EPG5: variants seen among roughly 807,000 people sequenced by gnomAD.
EPG5 encodes the protein ectopic P-granules 5 autophagy tethering factor, also known as ectopic P granules protein 5 homolog.
EPG5 carries 159 observed loss-of-function variants against 302.7 expected under a neutral mutation model. The ratio of observed to expected loss-of-function variants is 0.53; its 90% CI spans 0.46 to 0.60. The LOEUF is 0.60. Among genes scored for constraint, EPG5 ranks in the 20% least tolerant of loss-of-function variants. The pLI is 0.00. For missense variants in EPG5, 2,896 were observed against 3,092.4 expected (o/e 0.94, Z 1.51); for synonymous variants, 1,158 against 1,136.8 (o/e 1.02, Z -0.37).
rs58432761 is a variant in EPG5, at chr18:45,901,765, C to CCACACACA, written c.4475-606_4475-599dup. Among the ~76,000 whole-genome samples, 771 of 146,718 alleles carry CCACACACA rather than the reference C, an allele frequency of 5.3e-3. 6 individuals are homozygous for CCACACACA. Among genetic ancestry groups the CCACACACA allele is most frequent in the African/African-American group, 0.018 (706 of 40,274 alleles). On this transcript the variant is annotated intron_variant, in intron 25 of 43. Coordinates refer to ENST00000282041, the MANE Select transcript of EPG5 (RefSeq NM_020964.3). The stretch of plus-strand genomic sequence containing the variant: ...TGGAGTCCAAATAAGCAATCCTGTG[C>CCACACACA]CACACACACACACACACACACACAC...
At chr18:45,942,704 G>A (rs775174047) in intron 9 of EPG5, among the ~76,000 whole-genome samples, 14 of 152,132 alleles carry the variant, frequency 9.2e-5, no homozygotes, top group Non-Finnish European at 2.1e-4. Flanking sequence ...CTTTTGGGTG[G>A]GGAAGGAAGT....
At chr18:45,913,677 C>T (rs1233085335) in intron 21 of EPG5, 29 bp downstream of exon 21, 2 of 1,612,522 alleles carry the variant, frequency 1.2e-6, no homozygotes, top group Non-Finnish European at 1.7e-6. Flanking sequence ...CCACCTTCTA[C>T]CACTCAAATG....
chr18:45,935,023 T>G (rs948954427), intron 10 of EPG5, 57 bp from the exon 11 acceptor site: 1 of 1,500,982 alleles, frequency 6.7e-7, no homozygotes, highest in African/African-American at 1.4e-5. Context: ...ACTAAGAAAG[T>G]AGACAAACCA....
the EPG5 span, among the ~76,000 whole-genome samples, chr18:45,832,130 T>C: frequency 6.6e-6 from 1 of 152,236 alleles, no homozygotes; most frequent in Non-Finnish European, 1.5e-5. Flanking sequence ...AACTAACACA[T>C]ATGGAGCATT....
At chr18:45,816,981 T>C in the EPG5 span, among the ~76,000 whole-genome samples, 7 of 152,208 alleles carry the variant, frequency 4.6e-5, no homozygotes, top group Non-Finnish European at 1.5e-5. Context: ...TGGATGAGAC[T>C]GGAGACTATT....
chr18:45,860,040 T>C (rs1172652935), intron 40 of EPG5, 64 bp downstream of exon 40: 2 of 1,588,312 alleles, frequency 1.3e-6, no homozygotes, highest in Non-Finnish European at 1.7e-6. Context: ...TATCTGCTGA[T>C]GACAATGCTT....
intron 34 of EPG5, among the ~76,000 whole-genome samples, chr18:45,877,825 T>C (rs1322959219): frequency 2.0e-5 from 3 of 152,194 alleles, no homozygotes; most frequent in Non-Finnish European, 2.9e-5. Context: ...TGTCGTAATT[T>C]TTATAAAACC....
chr18:45,916,383 G>A, intron 18 of EPG5, 55 bp downstream of exon 18: 1 of 1,589,472 alleles, frequency 6.3e-7, no homozygotes, highest in Non-Finnish European at 8.6e-7. Flanking sequence ...TAACGCTAGA[G>A]GTCTTGGTTG....
intron 42 of EPG5, 150 bp from the exon 43 acceptor site, chr18:45,855,837 C>G: frequency 3.3e-6 from 2 of 609,866 alleles, no homozygotes; most frequent in Non-Finnish European, 5.9e-6. Flanking sequence ...TAAATATGAT[C>G]AAGAAGAAGT....
chr18:45,899,223 T>C (rs2049549148), intron 27 of EPG5, among the ~76,000 whole-genome samples, 181 bp downstream of exon 27: 1 of 152,202 alleles, frequency 6.6e-6, no homozygotes, highest in Non-Finnish European at 1.5e-5. Context: ...CTTATAGGAC[T>C]CATCTGGTAC....
chr18:45,860,270 A>G lies in EPG5; in HGVS notation c.6843T>C (p.Thr2281=). Residue 2281 remains threonine (T), a synonymous_variant, in exon 40 of 44, where the codon ACT becomes ACC. Coordinates refer to ENST00000282041, the MANE Select transcript of EPG5 (RefSeq NM_020964.3). ...CCCGAAGGAACTCTGCTGTTGGAAT[A>G]GTCGCGTTGTTCATCATCATCAGGA... ...MEVLMMMNNA[T]IPTAEFLRGS... is the part of the protein sequence containing the mutation. 6.2e-7 allele frequency: 1 copy of G among 1,614,242 alleles called. No homozygotes were observed. Among genetic ancestry groups the G allele is most frequent in the African/African-American group, 1.3e-5 (1 of 75,066 alleles).
chr18:45,896,376 A>G (rs1042680648), intron 27 of EPG5, among the ~76,000 whole-genome samples: 1 of 152,230 alleles, frequency 6.6e-6, no homozygotes, highest in African/African-American at 2.4e-5. Context: ...TGAGGCCAGC[A>G]GAAAAGTAAA....
At position 45,944,089 on chromosome 18, in the gene EPG5, G is replaced by C. The variant is rs1033731897; in HGVS notation, c.1708C>G (p.Leu570Val). The C allele has an allele frequency of 1.9e-6, 3 of 1,613,686 alleles. No homozygotes were observed. Among genetic ancestry groups the C allele is most frequent in the Non-Finnish European group, 1.7e-6 (2 of 1,179,662 alleles). The change falls in exon 8 of 44, where the codon CTT (leucine) becomes GTT (valine). Residue 570 changes from leucine (L) to valine (V), a missense_variant. By Grantham distance (32) the Leu-to-Val change is conservative (BLOSUM62 1). Around this residue, in one of 5 missense-constraint regions of EPG5, gnomAD observed 1,390 missense variants for 1,430.0 expected, o/e 0.97. Transcript: ENST00000282041. Reference sequence around the variant, plus strand: ...ATGGTAACCAAATCATCTTCATTAAGGAGAATCCAACTGGTCTCAGGGTCT... The same window carrying C: ...ATGGTAACCAAATCATCTTCATTAACGAGAATCCAACTGGTCTCAGGGTCT... ...DEDPETSWIL[L>V]NEDDLVTILA...
chr18:45,852,674 G>T, intron 43 of EPG5, 25 bp from the exon 44 acceptor site: 3 of 1,605,284 alleles, frequency 1.9e-6, no homozygotes, highest in Non-Finnish European at 2.6e-6. Flanking sequence ...AGATGAGAGG[G>T]TTAACTCCAT....
chr18:45,829,122 C>G, the EPG5 span: 1 of 985,688 alleles, frequency 1.0e-6, no homozygotes, highest in Non-Finnish European at 1.2e-6. Flanking sequence ...GAGCAGCACT[C>G]TGGGGTGGGC....
rs754032976 is a variant in EPG5, at chr18:45,867,584, T to C, written c.6390A>G (p.Glu2130=). Residue 2130 remains glutamate, a synonymous_variant, in exon 37 of 44, where the codon GAA becomes GAG. Coordinates refer to ENST00000282041, the MANE Select transcript of EPG5 (RefSeq NM_020964.3). ...TTACTGTTTGGTCTACCAGTTGAAC[T>C]TCCTTTGCCAATAAAATCATCATGA... ...LLFMMILLAK[E]VQLVDQTDSP... 1.9e-6 allele frequency: 3 copies of C among 1,613,912 alleles called. No individual in the cohort carries two copies. The African/African-American group carries it at 4.0e-5, about 22-fold the overall frequency.
chr18:45,951,184 A>C lies in EPG5; in HGVS notation c.1307T>G (p.Ile436Ser). The C allele has an allele frequency of 6.3e-7, 1 of 1,595,446 alleles. No individual in the cohort carries two copies. Among genetic ancestry groups the C allele is most frequent in the Non-Finnish European group, 8.5e-7 (1 of 1,172,274 alleles). The change falls in exon 4 of 44, where the codon ATT (isoleucine) becomes AGT (serine). Residue 436 changes from isoleucine (I) to serine (S), a missense_variant. By Grantham distance (142) the Ile-to-Ser change is moderately radical. Coordinates refer to ENST00000282041, the MANE Select transcript of EPG5 (RefSeq NM_020964.3). ...PSDLCQLKEC[I>S]SVLFMFTRRV... ...CCTGGTGAACATGAATAAGACACTA[A>C]TGCATTCCTTTAGTTGACACAGATC...
chr18:45,884,746 CCTG>C lies in EPG5; in HGVS notation c.5172_5174del (p.Ser1724del). 6.2e-7 allele frequency: 1 copy of C among 1,603,396 alleles called. No individual in the cohort carries two copies. The highest frequency in any genetic ancestry group is 8.5e-7 in the Non-Finnish European group (1 of 1,176,334). ...AGAAAGGAGACAGCAGGGAGCAGAG[CCTG>C]CTGTTCTTCAGAATGGTTTCAAGTA... On this transcript the variant is annotated inframe_deletion, in exon 30 of 44. Coordinates refer to ENST00000282041, the MANE Select transcript of EPG5 (RefSeq NM_020964.3).
intron 43 of EPG5, among the ~76,000 whole-genome samples, chr18:45,853,002 C>T (rs780193070): frequency 5.9e-5 from 9 of 152,218 alleles, no homozygotes; most frequent in Non-Finnish European, 8.8e-5. Flanking sequence ...CTGCCTTGTC[C>T]TCGTTCTCCC....
Sources: allele counts gnomAD v4.1 joint callset (sites outside exome capture counted in the v4.1 genomes callset), GRCh38; gene constraint gnomAD v4.1.1; regional missense constraint gnomAD v4.1.1; transcripts MANE v1.5; gene names NCBI Gene and HGNC (gene_info 2026-07-23, HGNC 2026-07-21).